The following LMF1 variants were observed in gnomAD, a reference collection of about 807,000 sequenced individuals.
LMF1 encodes the protein transmembrane protein 112.
A neutral mutation model predicts 60.6 loss-of-function variants in LMF1; 68 were observed. The ratio of observed to expected loss-of-function variants is 1.12; its 90% CI spans 0.92 to 1.37. The LOEUF (loss-of-function observed/expected upper bound fraction) is 1.37, where lower values mean the gene tolerates loss of function less well. Among genes scored for constraint, LMF1 ranks in the 40% most tolerant of loss-of-function variants. LMF1 has a pLI of 0.00. For synonymous variants in LMF1, 418 were observed against 324.7 expected (o/e 1.29, Z -3.09); for missense variants, 948 against 767.2 (o/e 1.24, Z -2.78).
At chr16:977,946 GCACA>G (rs1468331922) in intron 1 of LMF1, among the ~76,000 whole-genome samples, 1 of 68,712 alleles carries the variant, frequency 1.5e-5, no homozygotes, top group African/African-American at 7.5e-5. Context: ...TCATACACAC[GCACA>G]CACACCACAC....
At chr16:971,557 AC>A (rs775238469), upstream of LMF1, among the ~76,000 whole-genome samples, 8 of 152,144 alleles carry the variant, frequency 5.3e-5, no homozygotes, top group Non-Finnish European at 1.0e-4. Context: ...CCTTTGCACA[AC>A]CCAGCTCCTG....
At chr16:937,083 C>T (rs2071968687) in intron 2 of LMF1, among the ~76,000 whole-genome samples, 1 of 152,226 alleles carries the variant, frequency 6.6e-6, no homozygotes, top group Admixed American at 6.5e-5. Flanking sequence ...AGTCCAGACG[C>T]AGCTGCCTTC....
At chr16:909,277 G>A (rs1435778222) in intron 4 of LMF1, among the ~76,000 whole-genome samples, 1 of 152,150 alleles carries the variant, frequency 6.6e-6, no homozygotes, top group Non-Finnish European at 1.5e-5. Flanking sequence ...GGGAAGATGG[G>A]AGCCACAGGG....
chr16:870,628 G>T, intron 8 of LMF1, 101 bp downstream of exon 8: 2 of 1,371,366 alleles, frequency 1.5e-6, no homozygotes, highest in Admixed American at 3.4e-5. Context: ...GGACACTTGG[G>T]GTCATGGGGG....
chr16:867,226 C>T (rs745417021), intron 10 of LMF1, among the ~76,000 whole-genome samples: 1 of 152,230 alleles, frequency 6.6e-6, no homozygotes, highest in Non-Finnish European at 1.5e-5. Flanking sequence ...CTGCTTTTCA[C>T]ACTTGGTTTT....
Position 911,400 on chromosome 16 carries a change from A to C in LMF1, c.515-321T>G, listed in dbSNP as rs370734930. Among the ~76,000 whole-genome samples, 3 of 152,180 alleles carry C rather than the reference A, an allele frequency of 2.0e-5. No homozygotes were observed. The East Asian group carries it at 5.8e-4, about 29-fold the overall frequency. ...CGCTGCACGGACCTGACATCTGAGA[A>C]TGCGCCCTGCACACATGCTGCCGGC... On this transcript the variant is annotated intron_variant, in intron 3 of 10. Coordinates refer to ENST00000262301, the MANE Select transcript of LMF1 (RefSeq NM_022773.4).
At chr16:976,355 G>A (rs1277634933) in intron 1 of LMF1, 1 of 454,026 alleles carries the variant, frequency 2.2e-6, no homozygotes, top group Non-Finnish European at 4.4e-6. Flanking sequence ...CTGTAGTCCA[G>A]GTGTCTGGCG....
At position 931,539 on chromosome 16, in the gene LMF1, G is replaced by A. The variant is rs549919901; in HGVS notation, c.514+2705C>T. 1.3e-4 allele frequency: 133 copies of A among 994,746 alleles called. 5 individuals are homozygous for A. In the South Asian group the frequency reaches 1.9e-3, roughly 14 times the overall value. 61.6% of individuals were successfully genotyped at this position (994,746 alleles called of 1,614,324 possible). Reference sequence around the variant, plus strand: ...TGCATTCTCCCAGGCCGTCCCGAACGAGGCCACAGGAAAGGAGCCTCCCCA... The same window carrying A: ...TGCATTCTCCCAGGCCGTCCCGAACAAGGCCACAGGAAAGGAGCCTCCCCA... On this transcript the variant is annotated intron_variant, in intron 3 of 10. Coordinates refer to ENST00000262301, the MANE Select transcript of LMF1 (RefSeq NM_022773.4).
chr16:976,883 G>A (rs2073162774), intron 1 of LMF1: 1 of 454,154 alleles, frequency 2.2e-6, no homozygotes, highest in Non-Finnish European at 4.4e-6. Flanking sequence ...CCAGCGGTCA[G>A]TAGCTACTCC....
intron 3 of LMF1, among the ~76,000 whole-genome samples, chr16:912,180 C>T (rs1457348167): frequency 1.3e-5 from 2 of 152,132 alleles, no homozygotes; most frequent in African/African-American, 4.8e-5. Flanking sequence ...AGTGTCTATG[C>T]GCCACAGAGC....
intron 1 of LMF1, chr16:979,874 A>G (rs1045232363): frequency 2.4e-6 from 1 of 410,362 alleles, no homozygotes; most frequent in Non-Finnish European, 5.0e-6. Context: ...CTAACAGATG[A>G]GTTCCGCGGG....
intron 2 of LMF1, among the ~76,000 whole-genome samples, chr16:941,501 G>A (rs2072100611): frequency 1.3e-5 from 2 of 152,230 alleles, no homozygotes; most frequent in Admixed American, 1.3e-4. Context: ...GGCATTACAG[G>A]TATGAGCCAC....
intron 2 of LMF1, among the ~76,000 whole-genome samples, chr16:936,946 G>GCGCTACTATT (rs2071964375): frequency 1.3e-5 from 2 of 152,116 alleles, no homozygotes; most frequent in South Asian, 4.1e-4. Flanking sequence ...CTCCAGCCTG[G>GCGCTACTATT]GCGACAGGGC....
chr16:927,730 G>C (rs760354279), intron 3 of LMF1, among the ~76,000 whole-genome samples: 1 of 152,202 alleles, frequency 6.6e-6, no homozygotes, highest in African/African-American at 2.4e-5. Flanking sequence ...AGCACTAATA[G>C]GGCTTAATAA....
chr16:947,520 T>C (rs12447329), intron 2 of LMF1: 203,699 of 455,710 alleles, frequency 0.45, 48,957 homozygotes, highest in African/African-American at 0.7. Flanking sequence ...CTGCTCTCAG[T>C]ACTCTTTGAA....
chr16:854,801 G>A, intron 10 of LMF1, 95 bp from the exon 11 acceptor site: 1 of 1,173,014 alleles, frequency 8.5e-7, no homozygotes, highest in Middle Eastern at 2.2e-4. Flanking sequence ...TGCTCACAGG[G>A]TCCCCCACGG....
At chr16:905,143 A>ATGTGG (rs2070940995) in intron 4 of LMF1, 1 of 148,192 alleles carries the variant, frequency 6.7e-6, no homozygotes, top group Non-Finnish European at 1.3e-5. Context: ...CACTGCCCAC[A>ATGTGG]GGACGCCTGT....
At chr16:974,673 A>G (rs1188590064), upstream of LMF1, among the ~76,000 whole-genome samples, 1 of 152,092 alleles carries the variant, frequency 6.6e-6, no homozygotes, top group Non-Finnish European at 1.5e-5. Flanking sequence ...CCAGGCACAC[A>G]CAAGCCCGTG....
upstream of LMF1, chr16:971,004 A>C (rs2073040430): frequency 9.0e-7 from 1 of 1,108,194 alleles, no homozygotes; most frequent in Non-Finnish European, 1.1e-6. Context: ...GCACTCCCGG[A>C]GGCCCCGCCC....
Sources: gnomAD v4.1 joint callset for allele counts (sites outside exome capture counted in the v4.1 genomes callset) on GRCh38, gnomAD v4.1.1 for gene constraint, MANE v1.5 for transcripts, NCBI Gene and HGNC (gene_info 2026-07-23, HGNC 2026-07-21) for gene names.